Variants in DPP10 observed in about 807,000 individuals in gnomAD.
DPP10 encodes dipeptidyl peptidase like 10.
Under a neutral mutation model 120.9 loss-of-function variants are expected in DPP10, and 33 were observed. That is an observed-to-expected ratio of 0.27 (90% CI 0.21 to 0.37). The LOEUF (loss-of-function observed/expected upper bound fraction) is 0.37, where lower values mean the gene tolerates loss of function less well. Among genes scored for constraint, DPP10 ranks in the 10% least tolerant of loss-of-function variants. The pLI is 1.00. For missense variants in DPP10, 816 were observed against 942.8 expected (o/e 0.87, Z 1.76); for synonymous variants, 337 against 326.1 (o/e 1.03, Z -0.36).
chr2:114,897,839 C>G (rs1191566371), intron 1 of DPP10, among the ~76,000 whole-genome samples: 1 of 151,924 alleles, frequency 6.6e-6, no homozygotes, highest in African/African-American at 2.4e-5. Context: ...ATTAAAAAGT[C>G]AGGAAACAAC....
chr2:115,263,054 G>T (rs538683895), intron 1 of DPP10, among the ~76,000 whole-genome samples: 2 of 152,254 alleles, frequency 1.3e-5, no homozygotes, highest in South Asian at 4.2e-4. Context: ...CCCTGAGTCT[G>T]GAAGTGATTA....
chr2:115,212,075 C>G (rs1263681087), intron 1 of DPP10, among the ~76,000 whole-genome samples: 1 of 152,094 alleles, frequency 6.6e-6, no homozygotes, highest in East Asian at 1.9e-4. Flanking sequence ...AGCTCTGATG[C>G]CTTTGTCAAG....
intron 1 of DPP10, among the ~76,000 whole-genome samples, chr2:114,909,066 C>G (rs958139754): frequency 6.6e-6 from 1 of 151,386 alleles, no homozygotes; most frequent in Non-Finnish European, 1.5e-5. Flanking sequence ...ATATTTATTC[C>G]ATCTAAGTTT....
intron 7 of DPP10, among the ~76,000 whole-genome samples, chr2:115,705,405 A>G (rs925023378): frequency 6.6e-6 from 1 of 151,938 alleles, no homozygotes; most frequent in Admixed American, 6.6e-5. Flanking sequence ...GTTTGTATGC[A>G]CACACACACA....
intron 3 of DPP10, among the ~76,000 whole-genome samples, chr2:115,383,776 A>T (rs1035247664): frequency 2.0e-5 from 3 of 152,150 alleles, no homozygotes; most frequent in African/African-American, 7.2e-5. Context: ...TATAATAATG[A>T]TTTTGAGCAT....
chr2:115,018,258 T>C (rs1048861894), intron 1 of DPP10, among the ~76,000 whole-genome samples: 1 of 152,164 alleles, frequency 6.6e-6, no homozygotes, highest in African/African-American at 2.4e-5. Context: ...ACACTGCTGG[T>C]AGGAGTGTAA....
intron 1 of DPP10, among the ~76,000 whole-genome samples, chr2:114,752,510 A>G (rs112955771): frequency 0.017 from 2,533 of 152,248 alleles, 42 homozygotes; most frequent in Non-Finnish European, 0.025. Flanking sequence ...GTCTCAGACT[A>G]AGGCTCCTGC....
chr2:115,761,311 T>C (rs1298319001), intron 11 of DPP10, among the ~76,000 whole-genome samples: 2 of 152,096 alleles, frequency 1.3e-5, no homozygotes, highest in Non-Finnish European at 2.9e-5. Context: ...AAAGCCCTTC[T>C]AGACAAAGAT....
intron 3 of DPP10, among the ~76,000 whole-genome samples, chr2:115,472,876 C>T (rs992561641): frequency 2.8e-4 from 42 of 152,092 alleles, no homozygotes; most frequent in Admixed American, 1.4e-3. Context: ...AGATTCAAAA[C>T]GCTTGACAAA....
chr2:114,942,328 C>CATATATATATATAT (rs1303204836), intron 1 of DPP10, among the ~76,000 whole-genome samples: 2 of 109,452 alleles, frequency 1.8e-5, no homozygotes, highest in Non-Finnish European at 3.6e-5. Context: ...TATACACACA[C>CATATATATATATAT]ATATATATAT....
At chr2:115,471,212 A>G (rs991831169) in intron 3 of DPP10, among the ~76,000 whole-genome samples, 1 of 152,210 alleles carries the variant, frequency 6.6e-6, no homozygotes, top group Non-Finnish European at 1.5e-5. Context: ...TTCATAGAAA[A>G]GGATAATTCA....
rs141351623 is a variant in DPP10, at chr2:115,733,264, C to T, written c.697+5328C>T. On this transcript the variant is annotated intron_variant, in intron 8 of 25. Coordinates refer to ENST00000410059, the MANE Select transcript of DPP10 (RefSeq NM_020868.6). ...AATGTTTCACATTAATGTCTTTTGG[C>T]GACATGAAATTGCATTCATTTCATC... Among the ~76,000 whole-genome samples, 1,288 of 152,146 alleles carry T rather than the reference C, an allele frequency of 8.5e-3. 11 individuals carry two copies. Among genetic ancestry groups the T allele is most frequent in the Middle Eastern group, 0.017 (5 of 294 alleles).
chr2:115,479,005 C>G (rs1023029416), intron 3 of DPP10, among the ~76,000 whole-genome samples: 9 of 152,052 alleles, frequency 5.9e-5, no homozygotes, highest in African/African-American at 9.7e-5. Context: ...TGTTTCCTCA[C>G]AAAATTAAAT....
chr2:114,950,892 G>T (rs1411695974), intron 1 of DPP10, among the ~76,000 whole-genome samples: 2 of 152,128 alleles, frequency 1.3e-5, no homozygotes, highest in African/African-American at 4.8e-5. Context: ...CCACTTATTT[G>T]GTAGGTTGGC....
chr2:115,677,793 GGA>G (rs1381602440), intron 5 of DPP10, among the ~76,000 whole-genome samples: 1 of 152,088 alleles, frequency 6.6e-6, no homozygotes, highest in African/African-American at 2.4e-5. Context: ...AGAACTAAGG[GGA>G]GAGAGAGTCT....
At chr2:115,735,682 T>C (rs2093020217) in intron 8 of DPP10, among the ~76,000 whole-genome samples, 1 of 106,012 alleles carries the variant, frequency 9.4e-6, no homozygotes, top group South Asian at 3.4e-4. Flanking sequence ...CACGCCCAGC[T>C]AATTTTTTTT....
intron 1 of DPP10, among the ~76,000 whole-genome samples, chr2:114,517,446 G>C (rs1684686139): frequency 6.6e-6 from 1 of 151,816 alleles, no homozygotes; most frequent in South Asian, 2.1e-4. Context: ...CTTGAACCTG[G>C]GAGACGGAGG....
intron 1 of DPP10, among the ~76,000 whole-genome samples, chr2:114,545,934 G>T (rs1687357381): frequency 6.6e-6 from 1 of 152,030 alleles, no homozygotes; most frequent in South Asian, 2.1e-4. Context: ...GGACATTTGT[G>T]CCTTGAATTG....
intron 1 of DPP10, among the ~76,000 whole-genome samples, chr2:114,447,153 C>T (rs146873752): frequency 0.026 from 3,989 of 151,712 alleles, 149 homozygotes; most frequent in African/African-American, 0.091. Context: ...CCTGCCACCA[C>T]GCCTGGCTAA....
Sources: allele counts gnomAD v4.1 joint callset (sites outside exome capture counted in the v4.1 genomes callset), GRCh38; gene constraint gnomAD v4.1.1; transcripts MANE v1.5; gene names NCBI Gene and HGNC (gene_info 2026-07-23, HGNC 2026-07-21).